Variants in MBOAT2 observed in about 807,000 individuals in gnomAD.
MBOAT2 encodes the protein membrane bound glycerophospholipid O-acyltransferase 2.
Under a neutral mutation model 63.4 loss-of-function variants are expected in MBOAT2, and 28 were observed. That is an observed-to-expected ratio of 0.44 (90% CI 0.33 to 0.61). MBOAT2 has a LOEUF of 0.61. Ranked by LOEUF, MBOAT2 falls within the 20% of genes least tolerant of loss-of-function variation. MBOAT2 has a pLI of 0.03. For missense variants in MBOAT2, 470 were observed against 605.8 expected, an observed-to-expected ratio of 0.78 and a Z score of 2.35; for synonymous variants, 211 against 215.6, an observed-to-expected ratio of 0.98 and a Z score of 0.19.
rs555866406 is a variant in MBOAT2, at chr2:8,926,587, C to T, written c.299+16600G>A. ...ACTACTACAAACGGTTCATTATGGC[C>T]GGGCCTGGCTCAGTCGAGGAGCGAG... On this transcript the variant is annotated intron_variant, in intron 3 of 12. Transcript: ENST00000305997. Among the ~76,000 whole-genome samples, 7 of 152,246 alleles carry T rather than the reference C, an allele frequency of 4.6e-5. No individual in the cohort carries two copies. In the East Asian group the frequency reaches 1.2e-3, roughly 25 times the overall value.
intron 5 of MBOAT2, among the ~76,000 whole-genome samples, chr2:8,884,485 T>TAA (rs58668120): frequency 0.011 from 1,539 of 142,414 alleles, 20 homozygotes; most frequent in Admixed American, 0.025. Flanking sequence ...ACCTTTTCCT[T>TAA]AAAAAAAAAA....
chr2:8,862,995 T>C lies in MBOAT2; in HGVS notation c.1053-273A>G, dbSNP rs1332065178. Among the ~76,000 whole-genome samples, 1 of 152,144 alleles carries C rather than the reference T, an allele frequency of 6.6e-6. No homozygotes were observed. The highest frequency in any genetic ancestry group is 1.5e-5 in the Non-Finnish European group (1 of 68,030). On this transcript the variant is annotated intron_variant, in intron 10 of 12. Coordinates refer to ENST00000305997, the MANE Select transcript of MBOAT2 (RefSeq NM_138799.4). The surrounding 1 kb of genome is among the most constrained non-coding windows in gnomAD (Gnocchi z 4.3). ...TAACTTAAATGATCATTTCTAGTAT[T>C]TGGGAGTCTATACAATTTACAAAAA...
chr2:8,923,639 A>G (rs1666737610), intron 3 of MBOAT2, among the ~76,000 whole-genome samples: 1 of 152,126 alleles, frequency 6.6e-6, no homozygotes, highest in Non-Finnish European at 1.5e-5. Context: ...TCTGGGCAGT[A>G]GTCAAGAAGA....
At chr2:8,914,938 T>C (rs866307345) in intron 3 of MBOAT2, among the ~76,000 whole-genome samples, 44 of 133,022 alleles carry the variant, frequency 3.3e-4, no homozygotes, top group Non-Finnish European at 4.5e-4. Context: ...AAATTTCTTT[T>C]TTTTTTTTTT....
chr2:8,915,545 T>G (rs929146272), intron 3 of MBOAT2, among the ~76,000 whole-genome samples: 2 of 152,142 alleles, frequency 1.3e-5, no homozygotes, highest in Non-Finnish European at 2.9e-5. Context: ...TGTTTTGTTT[T>G]GTTTTGTTTA....
chr2:8,936,943 T>C (rs181821282), intron 3 of MBOAT2, among the ~76,000 whole-genome samples: 1 of 152,322 alleles, frequency 6.6e-6, no homozygotes, highest in East Asian at 1.9e-4. Flanking sequence ...CGCCACATTG[T>C]GCTGCCTTCG....
At chr2:8,903,616 A>C (rs1168499326) in intron 4 of MBOAT2, among the ~76,000 whole-genome samples, 1 of 152,100 alleles carries the variant, frequency 6.6e-6, no homozygotes, top group Admixed American at 6.6e-5. Context: ...GCAAGGATTC[A>C]CCTTTCTCTT....
intron 1 of MBOAT2, among the ~76,000 whole-genome samples, chr2:8,964,592 CTTAT>C (rs1669858041): frequency 6.6e-6 from 1 of 151,706 alleles, no homozygotes; most frequent in Non-Finnish European, 1.5e-5. Context: ...ATGGCTCTAC[CTTAT>C]TTACTCATCT....
rs180746717 is a variant in MBOAT2, at chr2:8,963,195, G to A, written c.76-4553C>T. Among the ~76,000 whole-genome samples the A allele has an allele frequency of 5.0e-3, 748 of 149,020 alleles. 5 individuals are homozygous for A. The highest frequency in any genetic ancestry group is 7.7e-3 in the Non-Finnish European group (518 of 67,452). ...CAAGGTTGCAGTGAGCTGTGATCAC[G>A]CCACTGCATTCCAGCCTAGGCAACA... On this transcript the variant is annotated intron_variant, in intron 1 of 12. Transcript: ENST00000305997.
chr2:8,951,705 A>G (rs1668847690), intron 2 of MBOAT2, among the ~76,000 whole-genome samples: 1 of 152,106 alleles, frequency 6.6e-6, no homozygotes, highest in Admixed American at 6.5e-5. Flanking sequence ...TAGATTTTCT[A>G]GTTTGTGTGC....
intron 1 of MBOAT2, among the ~76,000 whole-genome samples, chr2:9,000,988 C>A (rs1179471103): frequency 6.6e-6 from 1 of 151,796 alleles, no homozygotes; most frequent in Non-Finnish European, 1.5e-5. Context: ...ATTTAAAAAA[C>A]GATTAAAAAC....
In MBOAT2 at chr2:8,866,842, GA is replaced by G. The variant is rs142114648; in HGVS notation, c.987+1603del. ...TCCCCTCTAAATTTGTAAGTATCTA[GA>G]AATCCGATTCAGATTTGGTTATCTC... On this transcript the variant is annotated intron_variant, in intron 9 of 12. Transcript: ENST00000305997. 6.9e-3 allele frequency among the ~76,000 whole-genome samples: 1,048 copies of G among 152,256 alleles called. 13 individuals are homozygous for G. Among genetic ancestry groups the G allele is most frequent in the South Asian group, 0.02 (96 of 4,824 alleles).
At chr2:8,873,496 A>G (rs1016853650) in intron 7 of MBOAT2, among the ~76,000 whole-genome samples, 196 bp from the exon 8 acceptor site, 4 of 152,296 alleles carry the variant, frequency 2.6e-5, no homozygotes, top group African/African-American at 4.8e-5. Context: ...AACTGTATCT[A>G]TAAGTACTAC....
At chr2:8,880,328 G>GT (rs760737833) in intron 6 of MBOAT2, among the ~76,000 whole-genome samples, 14 of 152,172 alleles carry the variant, frequency 9.2e-5, no homozygotes, top group Non-Finnish European at 1.8e-4. Context: ...TGGATTTGCT[G>GT]TAAGAAAATG....
At chr2:8,865,301 C>T (rs1336952651) in intron 9 of MBOAT2, among the ~76,000 whole-genome samples, 1 of 152,144 alleles carries the variant, frequency 6.6e-6, no homozygotes, top group Non-Finnish European at 1.5e-5. Context: ...CTCCTTTCTC[C>T]CTCACAACAG....
chr2:8,924,706 CT>C (rs752934933), intron 3 of MBOAT2, among the ~76,000 whole-genome samples: 17,170 of 139,208 alleles, frequency 0.12, 1,140 homozygotes, highest in African/African-American at 0.2. Context: ...GGTTCAGCTG[CT>C]TTTTTTTTTT....
At chr2:8,932,828 A>G (rs1271403315) in intron 3 of MBOAT2, among the ~76,000 whole-genome samples, 1 of 152,076 alleles carries the variant, frequency 6.6e-6, no homozygotes, top group East Asian at 1.9e-4. Context: ...GTCAAAGGCC[A>G]AAGGCTCTTT....
At chr2:8,926,747 C>A (rs1023762615) in intron 3 of MBOAT2, among the ~76,000 whole-genome samples, 1 of 152,178 alleles carries the variant, frequency 6.6e-6, no homozygotes, top group East Asian at 1.9e-4. Flanking sequence ...GGCAGCAAAG[C>A]ACAGCACAGA....
At chr2:8,949,652 G>A (rs893295513) in intron 2 of MBOAT2, among the ~76,000 whole-genome samples, 7 of 152,048 alleles carry the variant, frequency 4.6e-5, no homozygotes, top group Admixed American at 3.9e-4. Context: ...GATGGCTGTA[G>A]GTGTGTGGCT....
Sources: gnomAD v4.1 joint callset for allele counts (sites outside exome capture counted in the v4.1 genomes callset) on GRCh38, gnomAD v4.1.1 for gene constraint, Gnocchi (gnomAD v3.1) non-coding constraint, MANE v1.5 for transcripts, NCBI Gene and HGNC (gene_info 2026-07-23, HGNC 2026-07-21) for gene names.